Variants in ADAMTS17 observed in about 807,000 individuals in gnomAD.
The protein encoded by ADAMTS17 is ADAM metallopeptidase with thrombospondin type 1 motif 17.
In ADAMTS17, 113 loss-of-function variants were observed where a neutral mutation model predicts 141.5. The observed-to-expected ratio is 0.80, with a 90% confidence interval of 0.69 to 0.93. ADAMTS17 has a LOEUF of 0.93. ADAMTS17 is among the 40% of genes least tolerant of loss of function. The pLI, the probability that ADAMTS17 is intolerant of heterozygous loss-of-function variation, is 0.00. For synonymous variants in ADAMTS17, 768 were observed against 630.6 expected (o/e 1.22, Z -3.27); for missense variants, 1,659 against 1,517.9 (o/e 1.09, Z -1.54).
At chr15:100,103,768 G>T (rs1427758876) in intron 14 of ADAMTS17, among the ~76,000 whole-genome samples, 3 of 152,092 alleles carry the variant, frequency 2.0e-5, no homozygotes, top group Non-Finnish European at 4.4e-5. Context: ...TAGAGACGGG[G>T]TTTCACCATA....
At chr15:99,975,592 A>G (rs1449461422) in intron 21 of ADAMTS17, among the ~76,000 whole-genome samples, 1 of 152,152 alleles carries the variant, frequency 6.6e-6, no homozygotes, top group Non-Finnish European at 1.5e-5. Flanking sequence ...CCGAGCACCC[A>G]GGGCCAAACC....
chr15:99,981,935 A>G (rs565005285), intron 20 of ADAMTS17, among the ~76,000 whole-genome samples: 6 of 152,296 alleles, frequency 3.9e-5, no homozygotes, highest in Admixed American at 2.6e-4. Context: ...CTCCTAAAGC[A>G]GAGTTTTGAT....
Position 99,992,577 on chromosome 15 carries a change from G to A in ADAMTS17, c.2949+471C>T, listed in dbSNP as rs985939352. On this transcript the variant is annotated intron_variant, in intron 20 of 21. Transcript: ENST00000268070. ...TTGCTCTCGGGAGTGCTGACCCGGC[G>A]GTTCTGTGATACTCCTCCCTGCTAC... 5.9e-5 allele frequency among the ~76,000 whole-genome samples: 9 copies of A among 152,170 alleles called. No homozygotes were observed. The East Asian group carries it at 9.6e-4, about 16-fold the overall frequency.
intron 7 of ADAMTS17, among the ~76,000 whole-genome samples, chr15:100,252,194 G>A (rs913679673): frequency 1.3e-5 from 2 of 152,130 alleles, no homozygotes; most frequent in African/African-American, 4.8e-5. Flanking sequence ...CAAAAGAAAC[G>A]GAAAGCTAGC....
intron 8 of ADAMTS17, among the ~76,000 whole-genome samples, chr15:100,155,752 C>T (rs1225664708): frequency 6.6e-6 from 1 of 152,204 alleles, no homozygotes; most frequent in Non-Finnish European, 1.5e-5. Flanking sequence ...TAGACCTTGA[C>T]TTACAGAATG....
intron 15 of ADAMTS17, among the ~76,000 whole-genome samples, chr15:100,087,626 A>C (rs917948951): frequency 2.0e-5 from 3 of 152,312 alleles, no homozygotes; most frequent in Admixed American, 2.0e-4. Context: ...AGCACATCAA[A>C]AAGCTTATGC....
chr15:100,073,861 A>G (rs28460645), intron 15 of ADAMTS17, among the ~76,000 whole-genome samples: 2 of 151,738 alleles, frequency 1.3e-5, no homozygotes, highest in African/African-American at 4.9e-5. Flanking sequence ...ACATGTATAC[A>G]TATGTAACAA....
At chr15:100,335,382 G>A (rs1255054818) in intron 2 of ADAMTS17, among the ~76,000 whole-genome samples, 1 of 152,104 alleles carries the variant, frequency 6.6e-6, no homozygotes, top group Non-Finnish European at 1.5e-5. Context: ...TGGGGCCTCG[G>A]TGACTTTTCA....
At chr15:100,261,141 G>A (rs977870618) in intron 6 of ADAMTS17, among the ~76,000 whole-genome samples, 1 of 152,154 alleles carries the variant, frequency 6.6e-6, no homozygotes, top group African/African-American at 2.4e-5. Flanking sequence ...GTAGAATCAA[G>A]GTAAGATGTG....
At chr15:100,003,320 C>T (rs907587543) in intron 18 of ADAMTS17, among the ~76,000 whole-genome samples, 10 of 152,056 alleles carry the variant, frequency 6.6e-5, no homozygotes, top group Non-Finnish European at 1.5e-4. Flanking sequence ...CATAACCAGC[C>T]GGATCAGCAG....
chr15:100,202,265 G>A (rs2041364023), intron 7 of ADAMTS17, among the ~76,000 whole-genome samples: 1 of 152,196 alleles, frequency 6.6e-6, no homozygotes, highest in Non-Finnish European at 1.5e-5. Context: ...GAAGCAAGGA[G>A]CCTTCCAATA....
chr15:100,199,236 T>C lies in ADAMTS17; in HGVS notation c.1181+82A>G. 6.9e-6 allele frequency: 9 copies of C among 1,305,032 alleles called. No homozygotes were observed. The South Asian group carries it at 8.3e-5, about 12-fold the overall frequency. The allele number at this position is 1,305,032 out of a possible 1,614,324, so 80.8% of individuals were successfully genotyped here. On this transcript the variant is annotated intron_variant, in intron 8 of 21. Coordinates refer to ENST00000268070, the MANE Select transcript of ADAMTS17 (RefSeq NM_139057.4). ...GCAAAGGCATAGAGCAGCACTGTTTTAGAACTTACAGAATTCAAGTGAAAA... is the reference window on the plus strand; with the variant it reads ...GCAAAGGCATAGAGCAGCACTGTTTCAGAACTTACAGAATTCAAGTGAAAA...
At chr15:100,326,785 T>C (rs529419679) in intron 3 of ADAMTS17, among the ~76,000 whole-genome samples, 2 of 152,308 alleles carry the variant, frequency 1.3e-5, no homozygotes, top group South Asian at 2.1e-4. Flanking sequence ...AACAGAACGT[T>C]TGACCCCCTC....
chr15:100,146,681 T>A (rs2038920846), intron 10 of ADAMTS17, among the ~76,000 whole-genome samples: 1 of 47,234 alleles, frequency 2.1e-5, no homozygotes, highest in Non-Finnish European at 6.0e-5. Context: ...AGAGCCATAT[T>A]TCTCTTCTTT....
At chr15:100,251,828 G>A (rs191671164) in intron 7 of ADAMTS17, among the ~76,000 whole-genome samples, 1 of 152,338 alleles carries the variant, frequency 6.6e-6, no homozygotes, top group East Asian at 1.9e-4. Flanking sequence ...GGAGGAGAGA[G>A]AACAGGCAGG....
intron 7 of ADAMTS17, among the ~76,000 whole-genome samples, chr15:100,209,557 C>A (rs1013035429): frequency 2.6e-5 from 4 of 151,990 alleles, no homozygotes; most frequent in African/African-American, 9.7e-5. Context: ...AGGACAATCT[C>A]CGCCTTTGCT....
At chr15:100,316,402 C>T (rs1210605738) in intron 3 of ADAMTS17, among the ~76,000 whole-genome samples, 1 of 152,228 alleles carries the variant, frequency 6.6e-6, no homozygotes, top group Admixed American at 6.5e-5. Flanking sequence ...CTTCCATTCT[C>T]GCCATCCGTG....
intron 4 of ADAMTS17, among the ~76,000 whole-genome samples, chr15:100,269,358 T>G (rs949529274): frequency 6.6e-6 from 1 of 152,206 alleles, no homozygotes; most frequent in African/African-American, 2.4e-5. Flanking sequence ...GTAGAGGTGT[T>G]GGGTCATATG....
At chr15:100,184,849 C>G (rs550769567) in intron 8 of ADAMTS17, among the ~76,000 whole-genome samples, 2 of 152,168 alleles carry the variant, frequency 1.3e-5, no homozygotes, top group African/African-American at 4.8e-5. Flanking sequence ...CTGTATGTGG[C>G]AGGTATGATA....
Sources: gnomAD v4.1 joint callset for allele counts (sites outside exome capture counted in the v4.1 genomes callset) on GRCh38, gnomAD v4.1.1 for gene constraint, MANE v1.5 for transcripts, NCBI Gene and HGNC (gene_info 2026-07-23, HGNC 2026-07-21) for gene names.